SLC25A14: variants seen among roughly 807,000 people sequenced by gnomAD.
SLC25A14 encodes brain mitochondrial carrier protein 1.
In SLC25A14, 8 loss-of-function variants were observed where a neutral mutation model predicts 28.1. The ratio of observed to expected loss-of-function variants is 0.28; its 90% CI spans 0.17 to 0.51. SLC25A14 has a LOEUF of 0.51. Ranked by LOEUF, SLC25A14 falls within the 20% of genes least tolerant of loss-of-function variation. The pLI, the probability that SLC25A14 is intolerant of heterozygous loss-of-function variation, is 0.97. For missense variants in SLC25A14, 135 were observed against 263.8 expected, an observed-to-expected ratio of 0.51 and a Z score of 3.38; for synonymous variants, 74 against 90.6, an observed-to-expected ratio of 0.82 and a Z score of 1.04.
chrX:130,349,701 G>A (rs768682930), intron 5 of SLC25A14: 1 of 118,800 alleles, frequency 8.4e-6, no homozygotes, highest in African/African-American at 3.2e-5. Context: ...AATAATTTTA[G>A]GCTGTTTTCT....
intron 6 of SLC25A14, among the ~76,000 whole-genome samples, chrX:130,352,064 C>T (rs1282351691): frequency 9.0e-6 from 1 of 110,945 alleles, no homozygotes; most frequent in Non-Finnish European, 1.9e-5. Flanking sequence ...ACCCTTGTCC[C>T]CCTCCTTCTC....
At chrX:130,367,822 G>C (rs1250543064) in intron 9 of SLC25A14, among the ~76,000 whole-genome samples, 4 of 112,030 alleles carry the variant, frequency 3.6e-5, no homozygotes, top group African/African-American at 1.3e-4. Flanking sequence ...ATTTATTTAT[G>C]CCCAGGCTGG....
intron 4 of SLC25A14, among the ~76,000 whole-genome samples, chrX:130,348,769 T>C (rs1158964189): frequency 3.4e-5 from 3 of 89,095 alleles, no homozygotes; most frequent in East Asian, 3.4e-4. Flanking sequence ...AGATTATTGA[T>C]TTGAGACTCT....
At chrX:130,340,488 G>A (rs763550067) in intron 2 of SLC25A14, 135 bp downstream of exon 2, 2 of 642,663 alleles carry the variant, frequency 3.1e-6, no homozygotes, top group Non-Finnish European at 4.9e-6. Flanking sequence ...TACTTGATTG[G>A]CATGACAGCT....
chrX:130,367,451 T>G (rs1028322481), intron 9 of SLC25A14, among the ~76,000 whole-genome samples: 1 of 111,710 alleles, frequency 9.0e-6, no homozygotes, highest in Non-Finnish European at 1.9e-5. Context: ...ATACTCAGTT[T>G]GATGTGCATG....
chrX:130,357,963 G>A (rs1421902820), intron 6 of SLC25A14, among the ~76,000 whole-genome samples: 1 of 111,915 alleles, frequency 8.9e-6, no homozygotes, highest in Non-Finnish European at 1.9e-5. Flanking sequence ...CGTAAGCAAT[G>A]CATGTTTAAT....
intron 9 of SLC25A14, among the ~76,000 whole-genome samples, chrX:130,368,152 G>A (rs1186717696): frequency 8.9e-6 from 1 of 112,546 alleles, no homozygotes; most frequent in Admixed American, 9.4e-5. Flanking sequence ...AACTTAGAGA[G>A]TAGTGTCATG....
intron 8 of SLC25A14, 144 bp downstream of exon 8, chrX:130,364,896 T>G (rs1322793272): frequency 2.8e-6 from 3 of 1,053,169 alleles, no homozygotes; most frequent in Non-Finnish European, 3.7e-6. Flanking sequence ...ACTTCAAGCC[T>G]TATGAACACT....
In SLC25A14 at chrX:130,340,087, T is replaced by C; in HGVS notation, c.-172-20T>C. ...GCCTGGGAGGGGCTTAACGGTCCTC[T>C]GGTCTCTCTCTCCCCTCAGCTGAGT... On this transcript the variant is annotated intron_variant, in intron 1 of 10. Coordinates refer to ENST00000545805, the MANE Select transcript of SLC25A14 (RefSeq NM_001282195.2). The C allele has an allele frequency of 9.4e-7, 1 of 1,061,968 alleles. No individual in the cohort carries two copies. Among genetic ancestry groups the C allele is most frequent in the Non-Finnish European group, 1.2e-6 (1 of 826,150 alleles). 87.5% of individuals were successfully genotyped at this position (1,061,968 alleles called of 1,213,427 possible). A position where few individuals can be genotyped will look rare whatever the true frequency, so the allele number is the denominator to read the frequency against.
intron 9 of SLC25A14, among the ~76,000 whole-genome samples, chrX:130,370,380 T>C (rs2034234009): frequency 8.9e-6 from 1 of 111,976 alleles, no homozygotes; most frequent in Non-Finnish European, 1.9e-5. Flanking sequence ...AAAGGCAAAA[T>C]AACATTTTTC....
At chrX:130,350,961 T>C (rs759612683) in intron 6 of SLC25A14, among the ~76,000 whole-genome samples, 31 of 111,759 alleles carry the variant, frequency 2.8e-4, no homozygotes, top group Non-Finnish European at 5.1e-4. Context: ...CTTGGTGTAG[T>C]AGATGCTCAA....
At chrX:130,355,960 A>G (rs1337150005) in intron 6 of SLC25A14, among the ~76,000 whole-genome samples, 2 of 111,408 alleles carry the variant, frequency 1.8e-5, no homozygotes, top group Non-Finnish European at 3.8e-5. Flanking sequence ...GGTTTCTGTA[A>G]AGGTCATACC....
At position 130,365,690 on chromosome X, in the gene SLC25A14, G is replaced by T; in HGVS notation, c.855+14G>T. ...GGTATTTTAAAGGTAAGTACATTGT[G>T]GATTTGGGTTACAATTTGGCTTTCT... On this transcript the variant is annotated intron_variant, in intron 9 of 10. Transcript: ENST00000545805. The T allele has an allele frequency of 8.5e-7, 1 of 1,173,519 alleles. No homozygotes were observed. Among genetic ancestry groups the T allele is most frequent in the South Asian group, 1.8e-5 (1 of 54,218 alleles).
chrX:130,358,149 C>T (rs768738648), intron 6 of SLC25A14, among the ~76,000 whole-genome samples: 76 of 111,851 alleles, frequency 6.8e-4, no homozygotes, highest in Non-Finnish European at 9.8e-4. Context: ...TATAGTACTT[C>T]GCAATTTTTT....
intron 7 of SLC25A14, 118 bp from the exon 8 acceptor site, chrX:130,364,510 G>A (rs1440291278): frequency 1.2e-5 from 5 of 432,594 alleles, no homozygotes; most frequent in African/African-American, 9.9e-5. Context: ...AAAGAGTGAC[G>A]TCTGTACTTC....
At chrX:130,356,557 C>T (rs923302445) in intron 6 of SLC25A14, among the ~76,000 whole-genome samples, 1 of 110,849 alleles carries the variant, frequency 9.0e-6, no homozygotes. Flanking sequence ...TTTAGTGGGG[C>T]TGTTTGGCTG....
intron 2 of SLC25A14, among the ~76,000 whole-genome samples, chrX:130,343,655 G>A (rs775984768): frequency 9.2e-6 from 1 of 108,756 alleles, no homozygotes; most frequent in Admixed American, 9.8e-5. Flanking sequence ...GGGATACTGT[G>A]ACTCATAGCT....
At chrX:130,345,114 T>C in intron 2 of SLC25A14, 68 bp from the exon 3 acceptor site, 1 of 760,064 alleles carries the variant, frequency 1.3e-6, no homozygotes, top group South Asian at 2.4e-5. Context: ...TTTATCTAAA[T>C]TATATGATCA....
At chrX:130,361,271 G>A (rs939859954) in intron 7 of SLC25A14, among the ~76,000 whole-genome samples, 4 of 112,215 alleles carry the variant, frequency 3.6e-5, no homozygotes, top group African/African-American at 1.3e-4. Flanking sequence ...TTTAGACCCT[G>A]CTTTCAATTC....
Sources: gnomAD v4.1 joint callset for allele counts (sites outside exome capture counted in the v4.1 genomes callset) on GRCh38, gnomAD v4.1.1 for gene constraint, MANE v1.5 for transcripts, NCBI Gene and HGNC (gene_info 2026-07-23, HGNC 2026-07-21) for gene names.